Variants in PTPRM observed in about 807,000 individuals in gnomAD.
The protein encoded by PTPRM is receptor-type tyrosine-protein phosphatase mu.
PTPRM carries 47 observed loss-of-function variants against 186.7 expected under a neutral mutation model. That is an observed-to-expected ratio of 0.25 (90% confidence interval 0.20 to 0.32). The LOEUF (loss-of-function observed/expected upper bound fraction) is 0.32. Among genes scored for constraint, PTPRM ranks in the 10% least tolerant of loss-of-function variants. PTPRM has a pLI of 1.00. For missense variants in PTPRM, 1,494 were observed against 1,865.0 expected (o/e 0.80, Z 3.66); for synonymous variants, 668 against 674.9 (o/e 0.99, Z 0.16).
At chr18:7,885,832 G>C (rs1216680989) in intron 2 of PTPRM, among the ~76,000 whole-genome samples, 2 of 152,188 alleles carry the variant, frequency 1.3e-5, no homozygotes, top group African/African-American at 4.8e-5. Context: ...GAGGCAGGCT[G>C]TGTAGCTAGT....
chr18:8,197,176 T>C (rs78469286), intron 14 of PTPRM, among the ~76,000 whole-genome samples: 1 of 152,310 alleles, frequency 6.6e-6, no homozygotes, highest in South Asian at 2.1e-4. Flanking sequence ...GTCATGGTCT[T>C]TATGAGCGTT....
At chr18:7,807,839 C>T (rs761907424) in intron 2 of PTPRM, among the ~76,000 whole-genome samples, 2 of 152,178 alleles carry the variant, frequency 1.3e-5, no homozygotes, top group African/African-American at 2.4e-5. Flanking sequence ...TAATAATTGA[C>T]GCAGTGTGGG....
At chr18:7,901,779 T>A (rs932134002) in intron 3 of PTPRM, among the ~76,000 whole-genome samples, 4 of 152,258 alleles carry the variant, frequency 2.6e-5, no homozygotes, top group African/African-American at 9.6e-5. Flanking sequence ...TAAATTCAGA[T>A]AACTTCATTT....
At chr18:7,808,497 C>T (rs930930508) in intron 2 of PTPRM, among the ~76,000 whole-genome samples, 1 of 152,188 alleles carries the variant, frequency 6.6e-6, no homozygotes, top group Non-Finnish European at 1.5e-5. Context: ...ACATAGCCTG[C>T]CTTTCTTACA....
chr18:8,221,560 G>A (rs1289881497), intron 14 of PTPRM, among the ~76,000 whole-genome samples: 1 of 152,156 alleles, frequency 6.6e-6, no homozygotes, highest in Non-Finnish European at 1.5e-5. Flanking sequence ...ATAGAAAAAC[G>A]AAAGTGACAC....
In PTPRM at chr18:8,406,114, G is replaced by A; in HGVS notation, c.4350G>A (p.Gln1450=). Residue 1450 remains glutamine (Q), a synonymous_variant, in exon 33 of 33, where the codon CAG becomes CAA. Transcript: ENST00000580170. Reference sequence around the variant, plus strand: ...TTTCCCCTCCTGTTTTCCAGGATCAGTACAAGTTCTGCTACGAGGTGGCCC... The same window carrying A: ...TTTCCCCTCCTGTTTTCCAGGATCAATACAAGTTCTGCTACGAGGTGGCCC... ...NKPNMVDLLD[Q]YKFCYEVALE... 1 of 1,614,188 alleles carries A rather than the reference G, an allele frequency of 6.2e-7. No individual in the cohort carries two copies. The highest frequency in any genetic ancestry group is 2.2e-5 in the East Asian group (1 of 44,890).
intron 14 of PTPRM, among the ~76,000 whole-genome samples, chr18:8,212,202 G>A (rs2094015299): frequency 6.6e-6 from 1 of 152,148 alleles, no homozygotes; most frequent in African/African-American, 2.4e-5. Context: ...CTTCCAAGAG[G>A]AAAAGTCTTA....
intron 1 of PTPRM, among the ~76,000 whole-genome samples, chr18:7,599,166 T>TA (rs1205168091): frequency 1.3e-5 from 2 of 151,888 alleles, no homozygotes; most frequent in Admixed American, 6.6e-5. Flanking sequence ...GTGTTATTGT[T>TA]AAAAAAAAGA....
At chr18:7,700,320 G>A (rs1429217731) in intron 1 of PTPRM, among the ~76,000 whole-genome samples, 4 of 152,136 alleles carry the variant, frequency 2.6e-5, no homozygotes, top group Admixed American at 2.6e-4. Context: ...TTTGTGTGCT[G>A]GGGGGTTTTA....
intron 5 of PTPRM, among the ~76,000 whole-genome samples, chr18:7,945,030 A>G (rs901806921): frequency 6.6e-6 from 1 of 152,144 alleles, no homozygotes; most frequent in African/African-American, 2.4e-5. Context: ...TAATGGATTA[A>G]TACATGTGTG....
intron 2 of PTPRM, among the ~76,000 whole-genome samples, chr18:7,835,194 T>C (rs970958495): frequency 6.7e-6 from 1 of 149,830 alleles, no homozygotes; most frequent in African/African-American, 2.5e-5. Context: ...TTTTCTTTTT[T>C]TTTTTTTTTG....
intron 7 of PTPRM, among the ~76,000 whole-genome samples, chr18:8,008,587 A>G (rs1198222042): frequency 1.3e-5 from 2 of 152,190 alleles, no homozygotes; most frequent in African/African-American, 4.8e-5. Context: ...GTAGGGTTCA[A>G]TAATGTGGTT....
At chr18:8,372,910 T>G (rs1383343533) in intron 24 of PTPRM, among the ~76,000 whole-genome samples, 2 of 152,200 alleles carry the variant, frequency 1.3e-5, no homozygotes, top group East Asian at 3.8e-4. Context: ...AATGCACCTC[T>G]GTAGCTAAAG....
At chr18:8,340,701 C>A (rs1218565774) in intron 22 of PTPRM, among the ~76,000 whole-genome samples, 1 of 152,104 alleles carries the variant, frequency 6.6e-6, no homozygotes, top group Admixed American at 6.5e-5. Flanking sequence ...ACAAACAAAT[C>A]TTTGGTGTTT....
chr18:8,261,805 G>A (rs999918057), intron 19 of PTPRM, among the ~76,000 whole-genome samples: 1 of 152,180 alleles, frequency 6.6e-6, no homozygotes, highest in South Asian at 2.1e-4. Context: ...TTTGTGTGAA[G>A]CACTTCTAGG....
chr18:8,338,106 C>T (rs1568777250), intron 22 of PTPRM, among the ~76,000 whole-genome samples: 1 of 151,772 alleles, frequency 6.6e-6, no homozygotes, highest in African/African-American at 2.4e-5. Flanking sequence ...GTGGAGGAAA[C>T]AGGGTGTGCT....
intron 1 of PTPRM, among the ~76,000 whole-genome samples, chr18:7,586,865 A>G (rs529479556): frequency 6.6e-6 from 1 of 152,314 alleles, no homozygotes; most frequent in Admixed American, 6.5e-5. Context: ...TAAAGACCCA[A>G]GTACCAAAGG....
In PTPRM at chr18:8,253,301, G is replaced by A. The variant is rs139142605; in HGVS notation, c.2641G>A (p.Asp881Asn). The change falls in exon 19 of 33, where the codon GAC (aspartate) becomes AAC (asparagine). Residue 881 changes from aspartate to asparagine, a missense_variant. This residue lies in a region of PTPRM where 1,107 missense variants were observed against 1,350.2 expected (regional missense o/e 0.82). Coordinates refer to ENST00000580170, the MANE Select transcript of PTPRM (RefSeq NM_001105244.2). ...SHTYKKREPA[D>N]VPYQTGQLHP... ...TACTTACAAGAAGCGAGAGCCGGCC[G>A]ACGTGCCCTATCAGACTGGGCAGCT... is the stretch of plus-strand genomic sequence containing the variant. 50 of 1,597,792 alleles carry A rather than the reference G, an allele frequency of 3.1e-5. No individual in the cohort carries two copies. Among genetic ancestry groups the A allele is most frequent in the African/African-American group, 8.1e-5 (6 of 73,970 alleles).
rs80242466 is a variant in PTPRM at position 7,921,235 on chromosome 18, G to A, written c.548-5333G>A. ...TAATTCTTAAATTTGATATTTTGAG[G>A]TATTTTTCAGTATTTTGTAGATAAT... On this transcript the variant is annotated intron_variant, in intron 4 of 32. Coordinates refer to ENST00000580170, the MANE Select transcript of PTPRM (RefSeq NM_001105244.2). 5.0e-3 allele frequency among the ~76,000 whole-genome samples: 754 copies of A among 151,920 alleles called. 8 individuals carry two copies. Among genetic ancestry groups the A allele is most frequent in the East Asian group, 0.016 (82 of 5,168 alleles).
Sources: allele counts gnomAD v4.1 joint callset (sites outside exome capture counted in the v4.1 genomes callset), GRCh38; gene constraint gnomAD v4.1.1; regional missense constraint gnomAD v4.1.1; transcripts MANE v1.5; gene names NCBI Gene and HGNC (gene_info 2026-07-23, HGNC 2026-07-21).